MYH11: variants seen among roughly 807,000 people sequenced by gnomAD.
MYH11 encodes the protein myosin-11.
MYH11 carries 80 observed loss-of-function variants against 246.6 expected under a neutral mutation model. The observed-to-expected ratio is 0.32, with a 90% confidence interval of 0.27 to 0.39. MYH11 has a LOEUF of 0.39. Ranked by LOEUF, MYH11 falls within the 10% of genes least tolerant of loss-of-function variation. The probability of loss-of-function intolerance (pLI) is 1.00; values close to 1 mark genes in which losing one functional copy is unlikely to be tolerated. For synonymous variants in MYH11, 1,071 were observed against 1,015.5 expected, an observed-to-expected ratio of 1.05 and a Z score of -1.04; for missense variants, 2,158 against 2,546.8, an observed-to-expected ratio of 0.85 and a Z score of 3.29.
At position 15,782,614 on chromosome 16, in the gene MYH11, T is replaced by C. The variant is rs2075513; in HGVS notation, c.634-137A>G. ...TCTCCTACCTCCTCTTAGACCCTGA[T>C]GCTAATGTTCAGATTTACAGGAGGA... On this transcript the variant is annotated intron_variant, in intron 5 of 40. Transcript: ENST00000300036. The C allele has an allele frequency of 0.21, 143,696 of 686,712 alleles. 16,235 individuals are homozygous for C. The highest frequency in any genetic ancestry group is 0.35 in the East Asian group (12,611 of 36,390). The allele number at this position is 686,712 out of a possible 1,614,324, so 42.5% of individuals were successfully genotyped here. A position where few individuals can be genotyped will look rare whatever the true frequency, so the allele number is the denominator to read the frequency against.
chr16:15,800,511 G>C (rs13333967), intron 3 of MYH11, among the ~76,000 whole-genome samples: 26,840 of 150,474 alleles, frequency 0.18, 2,533 homozygotes, highest in Middle Eastern at 0.19. Context: ...TGGTTGGACG[G>C]AGGAGGGAAG....
intron 25 of MYH11, among the ~76,000 whole-genome samples, chr16:15,736,847 C>T (rs2041132420): frequency 6.6e-6 from 1 of 152,132 alleles, no homozygotes; most frequent in Non-Finnish European, 1.5e-5. Context: ...AAGAACTTAG[C>T]ACCGAGTGAG....
chr16:15,798,618 A>G, intron 4 of MYH11, 42 bp downstream of exon 4: 1 of 1,532,060 alleles, frequency 6.5e-7, no homozygotes, highest in Non-Finnish European at 8.8e-7. Context: ...TAAAAAAAAA[A>G]AAAAACAAAA....
At chr16:15,710,076 C>T (rs1487042527) in intron 40 of MYH11, among the ~76,000 whole-genome samples, 1 of 152,206 alleles carries the variant, frequency 6.6e-6, no homozygotes, top group Non-Finnish European at 1.5e-5. Flanking sequence ...CCAAAAGATG[C>T]AGAAGGCAGG....
intron 2 of MYH11, among the ~76,000 whole-genome samples, chr16:15,831,466 T>TGGGTGG (rs1348064652): frequency 2.1e-5 from 3 of 144,720 alleles, no homozygotes; most frequent in African/African-American, 7.7e-5. Flanking sequence ...ATGTTTGGGG[T>TGGGTGG]GTGTGTGTGT....
chr16:15,760,681 G>C, intron 10 of MYH11, 23 bp from the exon 11 acceptor site: 5 of 1,451,860 alleles, frequency 3.4e-6, no homozygotes, highest in Non-Finnish European at 4.8e-6. Context: ...AAGAAACATC[G>C]TGAGTGCATC....
chr16:15,842,445 A>C (rs1018779429), intron 1 of MYH11, among the ~76,000 whole-genome samples: 2 of 151,954 alleles, frequency 1.3e-5, no homozygotes, highest in African/African-American at 4.8e-5. Context: ...TTCTGCTGGG[A>C]GACCTGATAT....
intron 3 of MYH11, among the ~76,000 whole-genome samples, chr16:15,820,762 C>T (rs1243921753): frequency 6.6e-6 from 1 of 152,220 alleles, no homozygotes; most frequent in East Asian, 1.9e-4. Context: ...CACACCCACT[C>T]TTAATTCATT....
intron 40 of MYH11, among the ~76,000 whole-genome samples, chr16:15,705,984 C>CAAAAAAAAA (rs57451847): frequency 0.21 from 11,835 of 56,364 alleles, 2,761 homozygotes; most frequent in Admixed American, 0.22. Flanking sequence ...GACTCCGTCT[C>CAAAAAAAAA]AAAAAAAAAA....
chr16:15,735,291 G>A (rs1461903377), intron 26 of MYH11, 75 bp downstream of exon 26: 9 of 1,540,526 alleles, frequency 5.8e-6, no homozygotes, highest in Non-Finnish European at 6.3e-6. Flanking sequence ...ATTTGCTTTG[G>A]GTTTGTCCCC....
At chr16:15,719,801 G>C in intron 34 of MYH11, 88 bp from the exon 35 acceptor site, 1 of 1,569,818 alleles carries the variant, frequency 6.4e-7, no homozygotes, top group Non-Finnish European at 8.7e-7. Context: ...CCCACCCCTT[G>C]GATTTTCTGC....
In MYH11 at chr16:15,715,202, C is replaced by T. The variant is rs1402672446; in HGVS notation, c.5575G>A (p.Glu1859Lys). 6.2e-7 allele frequency: 1 copy of T among 1,614,066 alleles called. No individual in the cohort carries two copies. The highest frequency in any genetic ancestry group is 8.5e-7 in the Non-Finnish European group (1 of 1,180,024). Residue 1859 changes from glutamate (E) to lysine (K), a missense_variant, in exon 39 of 41, where the codon GAG becomes AAG. This residue lies in a region of MYH11 where 1,013 missense variants were observed against 993.5 expected (regional missense o/e 1.02). Transcript: ENST00000300036. ...KKLKEILLQV[E>K]DERKMAEQYK... ...TGCTCGGCCATCTTGCGCTCGTCCT[C>T]CACCTGCAGCAAGATTTCCTTCAGC...
chr16:15,746,733 CCACTGGGA>C (rs1450145624), intron 19 of MYH11, among the ~76,000 whole-genome samples: 1 of 152,162 alleles, frequency 6.6e-6, no homozygotes, highest in Non-Finnish European at 1.5e-5. Flanking sequence ...CTTATAAATC[CCACTGGGA>C]CACGGGGATC....
chr16:15,827,021 A>T (rs985685215), intron 2 of MYH11, among the ~76,000 whole-genome samples: 1 of 150,614 alleles, frequency 6.6e-6, no homozygotes, highest in African/African-American at 2.5e-5. Flanking sequence ...AAAAAAAAAA[A>T]AGGAAACAGG....
At chr16:15,785,008 A>ATTCTTTTTTTTTTTT (rs2042436422) in intron 5 of MYH11, 1 of 96,518 alleles carries the variant, frequency 1.0e-5, no homozygotes, top group Non-Finnish European at 1.8e-5. Context: ...AATTCTCTTG[A>ATTCTTTTTTTTTTTT]TTTTTTTTTT....
At chr16:15,760,064 C>G (rs1389279044) in intron 11 of MYH11, among the ~76,000 whole-genome samples, 2 of 142,530 alleles carry the variant, frequency 1.4e-5, no homozygotes, top group East Asian at 1.9e-4. Flanking sequence ...ACCACTGCAC[C>G]CCCCCCTGGG....
chr16:15,769,367 G>A (rs1301938436), intron 9 of MYH11, among the ~76,000 whole-genome samples: 1 of 152,374 alleles, frequency 6.6e-6, no homozygotes, highest in East Asian at 1.9e-4. Context: ...AGGCGTGGTA[G>A]CACATGTCTG....
chr16:15,778,437 C>T (rs1397209099), intron 7 of MYH11, among the ~76,000 whole-genome samples: 1 of 152,176 alleles, frequency 6.6e-6, no homozygotes, highest in Non-Finnish European at 1.5e-5. Context: ...TTCATTCACT[C>T]TATTCTCACA....
chr16:15,751,197 G>A (rs2041560556), intron 15 of MYH11, among the ~76,000 whole-genome samples: 1 of 151,578 alleles, frequency 6.6e-6, no homozygotes, highest in East Asian at 1.9e-4. Flanking sequence ...TTTCACTCTT[G>A]TTGGCCAGGC....
Sources: allele counts gnomAD v4.1 joint callset (sites outside exome capture counted in the v4.1 genomes callset), GRCh38; gene constraint gnomAD v4.1.1; regional missense constraint gnomAD v4.1.1; transcripts MANE v1.5; gene names NCBI Gene and HGNC (gene_info 2026-07-23, HGNC 2026-07-21).